Variants in CHRM3 observed in about 807,000 individuals in gnomAD.
CHRM3 encodes muscarinic acetylcholine receptor M3.
In CHRM3, 11 loss-of-function variants were observed where a neutral mutation model predicts 41.8. The ratio of observed to expected loss-of-function variants is 0.26; its 90% CI spans 0.17 to 0.44. The LOEUF (loss-of-function observed/expected upper bound fraction) is 0.44, where lower values mean the gene tolerates loss of function less well. CHRM3 is among the 20% of genes least tolerant of loss of function. CHRM3 has a pLI of 1.00. For synonymous variants in CHRM3, 297 were observed against 301.4 expected (o/e 0.99, Z 0.15); for missense variants, 571 against 745.4 (o/e 0.77, Z 2.72).
In CHRM3 at chr1:239,908,099, G is replaced by A. The variant is rs758696028; in HGVS notation, c.648G>A (p.Val216=). ...AATACTTTGTTGGAAAGAGAACTGTGCCTCCGGGAGAGTGCTTCATTCAGT... is the reference window on the plus strand; with the variant it reads ...AATACTTTGTTGGAAAGAGAACTGTACCTCCGGGAGAGTGCTTCATTCAGT... ...FWQYFVGKRT[V]PPGECFIQFL... The change falls in exon 7 of 7, where the codon GTG becomes GTA. Residue 216 remains valine (V), a synonymous_variant. Coordinates refer to ENST00000676153, the MANE Select transcript of CHRM3 (RefSeq NM_001375978.1). The surrounding 1 kb of genome is among the most constrained non-coding windows in gnomAD (Gnocchi z 7.2). 6.2e-6 allele frequency: 10 copies of A among 1,614,078 alleles called. No individual in the cohort carries two copies. Among genetic ancestry groups the A allele is most frequent in the Non-Finnish European group, 8.5e-6 (10 of 1,180,060 alleles).
chr1:239,760,167 C>T (rs1022035294), intron 5 of CHRM3, among the ~76,000 whole-genome samples: 3 of 151,812 alleles, frequency 2.0e-5, no homozygotes, highest in South Asian at 2.1e-4. Context: ...CCTCGTGATC[C>T]GCCCACCTCG....
chr1:239,775,505 A>G (rs771064315), intron 5 of CHRM3, among the ~76,000 whole-genome samples: 3 of 152,232 alleles, frequency 2.0e-5, no homozygotes, highest in Non-Finnish European at 2.9e-5. Context: ...TTAAACGGAA[A>G]GTACAATTCA....
chr1:239,894,690 C>T (rs1028115268), intron 6 of CHRM3, among the ~76,000 whole-genome samples: 2 of 152,220 alleles, frequency 1.3e-5, no homozygotes, highest in African/African-American at 4.8e-5. Context: ...ACCCTGACCT[C>T]CCAAAGTGGT....
chr1:239,468,434 C>G (rs1242145810), intron 1 of CHRM3, among the ~76,000 whole-genome samples: 2 of 152,008 alleles, frequency 1.3e-5, no homozygotes, highest in Admixed American at 1.3e-4. Flanking sequence ...AATTTTTCTT[C>G]CTTGGAAAAT....
At chr1:239,780,204 A>G (rs189378444) in intron 5 of CHRM3, among the ~76,000 whole-genome samples, 1 of 152,308 alleles carries the variant, frequency 6.6e-6, no homozygotes, top group Non-Finnish European at 1.5e-5. Flanking sequence ...AGAAACTGCT[A>G]AACAGTATTC....
chr1:239,845,000 G>A (rs1674146735), intron 6 of CHRM3, among the ~76,000 whole-genome samples: 2 of 152,192 alleles, frequency 1.3e-5, no homozygotes, highest in South Asian at 4.1e-4. Context: ...CCAGATGGAA[G>A]CAGTATTTCA....
At chr1:239,496,290 G>A (rs1667875877) in intron 2 of CHRM3, among the ~76,000 whole-genome samples, 1 of 152,042 alleles carries the variant, frequency 6.6e-6, no homozygotes, top group Non-Finnish European at 1.5e-5. Flanking sequence ...GATTTGGAGA[G>A]GCTAAACCAA....
chr1:239,737,763 C>A (rs1664507355), intron 5 of CHRM3, among the ~76,000 whole-genome samples: 1 of 152,092 alleles, frequency 6.6e-6, no homozygotes, highest in South Asian at 2.1e-4. Context: ...ACCCAGAAAA[C>A]TCTTCGTAAG....
chr1:239,424,689 T>G (rs1472119209), intron 1 of CHRM3, among the ~76,000 whole-genome samples: 2 of 152,094 alleles, frequency 1.3e-5, no homozygotes, highest in Admixed American at 1.3e-4. Flanking sequence ...GTGAAATTAG[T>G]GGAGAGCATT....
intron 6 of CHRM3, among the ~76,000 whole-genome samples, chr1:239,849,454 C>A (rs554199997): frequency 6.6e-6 from 1 of 152,322 alleles, no homozygotes; most frequent in East Asian, 1.9e-4. Context: ...TTGTTGACTT[C>A]ATCTCTTTGA....
At chr1:239,827,621 A>G (rs1370566505) in intron 6 of CHRM3, among the ~76,000 whole-genome samples, 6 of 152,362 alleles carry the variant, frequency 3.9e-5, no homozygotes, top group Non-Finnish European at 8.8e-5. Context: ...ACTAGTACCT[A>G]GAAATAGCAC....
intron 1 of CHRM3, among the ~76,000 whole-genome samples, chr1:239,474,620 A>G (rs547267639): frequency 7.9e-5 from 12 of 152,102 alleles, no homozygotes; most frequent in Admixed American, 1.3e-4. Flanking sequence ...TGAGACAAAT[A>G]ATCAAAAAAT....
chr1:239,859,819 TTATATATATATATATA>T (rs55700294), intron 6 of CHRM3, among the ~76,000 whole-genome samples: 5,774 of 131,424 alleles, frequency 0.044, 208 homozygotes, highest in East Asian at 0.069. Flanking sequence ...TCTAAGTGTT[TTATATATATATATATA>T]TATATATATA....
At chr1:239,830,805 C>T (rs1276129980) in intron 6 of CHRM3, among the ~76,000 whole-genome samples, 2 of 152,118 alleles carry the variant, frequency 1.3e-5, no homozygotes, top group Non-Finnish European at 2.9e-5. Flanking sequence ...CTGTGGACAC[C>T]GCTAGGCTCC....
intron 5 of CHRM3, among the ~76,000 whole-genome samples, chr1:239,782,069 G>A (rs1668546770): frequency 6.6e-6 from 1 of 152,044 alleles, no homozygotes; most frequent in Admixed American, 6.6e-5. Flanking sequence ...CTGGTCTATA[G>A]TTTTCTTTTC....
intron 5 of CHRM3, among the ~76,000 whole-genome samples, chr1:239,742,825 A>C (rs1239764713): frequency 6.6e-6 from 1 of 152,250 alleles, no homozygotes; most frequent in Non-Finnish European, 1.5e-5. Context: ...CTCTAACAAG[A>C]TTCACTCAGA....
chr1:239,897,592 C>A (rs1679117914), intron 6 of CHRM3, among the ~76,000 whole-genome samples: 1 of 152,014 alleles, frequency 6.6e-6, no homozygotes, highest in South Asian at 2.1e-4. Context: ...CAGTAATCAG[C>A]AAATCTGTTT....
chr1:239,488,512 G>A (rs1370487438), intron 1 of CHRM3, among the ~76,000 whole-genome samples: 1 of 151,664 alleles, frequency 6.6e-6, no homozygotes, highest in Non-Finnish European at 1.5e-5. Flanking sequence ...TCAGGAAATC[G>A]AGACCATCCT....
At chr1:239,833,678 G>T (rs1572434628) in intron 6 of CHRM3, among the ~76,000 whole-genome samples, 1 of 152,308 alleles carries the variant, frequency 6.6e-6, no homozygotes, top group South Asian at 2.1e-4. Context: ...AACCTTCCAT[G>T]CATGCTCTTG....
Sources: allele counts gnomAD v4.1 joint callset (sites outside exome capture counted in the v4.1 genomes callset), GRCh38; gene constraint gnomAD v4.1.1; non-coding constraint Gnocchi (gnomAD v3.1); transcripts MANE v1.5; gene names NCBI Gene and HGNC (gene_info 2026-07-23, HGNC 2026-07-21).